PRR16: variants seen among roughly 807,000 people sequenced by gnomAD.
PRR16 encodes proline rich 16.
In PRR16, 6 loss-of-function variants were observed where a neutral mutation model predicts 18.2. The ratio of observed to expected loss-of-function variants is 0.33; its 90% CI spans 0.18 to 0.65. The LOEUF is 0.65. Among genes scored for constraint, PRR16 ranks in the 30% least tolerant of loss-of-function variants. PRR16 has a pLI of 0.74. For synonymous variants in PRR16, 151 were observed against 147.8 expected, an observed-to-expected ratio of 1.02 and a Z score of -0.16; for missense variants, 412 against 376.6, an observed-to-expected ratio of 1.09 and a Z score of -0.78.
At chr5:120,478,045 G>C (rs944760350) in intron 1 of PRR16, among the ~76,000 whole-genome samples, 6 of 151,812 alleles carry the variant, frequency 4.0e-5, no homozygotes, top group Non-Finnish European at 7.4e-5. Flanking sequence ...ATTATTTCCT[G>C]CCTCCAGCTT....
At chr5:120,651,934 C>G (rs111441196) in intron 1 of PRR16, among the ~76,000 whole-genome samples, 15,553 of 152,024 alleles carry the variant, frequency 0.1, 1,047 homozygotes, top group South Asian at 0.17. Context: ...TGGCCATTTT[C>G]ACGATATTGA....
intron 1 of PRR16, among the ~76,000 whole-genome samples, chr5:120,487,464 A>T (rs568460471): frequency 1.3e-5 from 2 of 152,164 alleles, no homozygotes; most frequent in Non-Finnish European, 2.9e-5. Context: ...TTATTGGTGT[A>T]TAAGAATGCT....
Position 120,686,133 on chromosome 5 carries a change from C to T in PRR16, c.339C>T (p.Ile113=), listed in dbSNP as rs1393062179. The T allele has an allele frequency of 1.2e-6, 2 of 1,614,018 alleles. No individual in the cohort carries two copies. Among genetic ancestry groups the T allele is most frequent in the Non-Finnish European group, 1.7e-6 (2 of 1,180,018 alleles). Reference sequence around the variant, plus strand: ...AACCCCCAGCACACCCGTCTGCTATCCTCACGGTCCTGAGAAAGCCAAACC... The same window carrying T: ...AACCCCCAGCACACCCGTCTGCTATTCTCACGGTCCTGAGAAAGCCAAACC... ...LIKPPAHPSA[I]LTVLRKPNPP... The change falls in exon 2 of 2, where the codon ATC becomes ATT. Residue 113 remains isoleucine (I), a synonymous_variant. Coordinates refer to ENST00000407149, the MANE Select transcript of PRR16 (RefSeq NM_001300783.2).
intron 1 of PRR16, among the ~76,000 whole-genome samples, chr5:120,646,044 T>C (rs1044252236): frequency 2.3e-3 from 27 of 11,820 alleles, no homozygotes; most frequent in Admixed American, 8.2e-3. Context: ...AAAAAATACA[T>C]ATTTTATATA....
the PRR16 span, among the ~76,000 whole-genome samples, chr5:120,782,693 G>A: frequency 1.3e-5 from 2 of 152,178 alleles, no homozygotes; most frequent in Admixed American, 1.3e-4. Context: ...TAGAGAGACT[G>A]GATGAGAAAG....
chr5:120,776,712 T>C, the PRR16 span, among the ~76,000 whole-genome samples: 1 of 152,116 alleles, frequency 6.6e-6, no homozygotes, highest in Non-Finnish European at 1.5e-5. Flanking sequence ...TCTCATAGAT[T>C]ATATTTGTAT....
chr5:120,767,030 C>T, the PRR16 span, among the ~76,000 whole-genome samples: 1 of 151,836 alleles, frequency 6.6e-6, no homozygotes, highest in Admixed American at 6.6e-5. Flanking sequence ...ACTAATAAAA[C>T]AAGAATGTTT....
chr5:120,480,269 G>T (rs1749568456), intron 1 of PRR16, among the ~76,000 whole-genome samples: 1 of 152,104 alleles, frequency 6.6e-6, no homozygotes, highest in African/African-American at 2.4e-5. Flanking sequence ...GCACCAAAAT[G>T]TTCAAGAGTT....
At chr5:120,620,409 G>A (rs1045622662) in intron 1 of PRR16, among the ~76,000 whole-genome samples, 3 of 151,654 alleles carry the variant, frequency 2.0e-5, no homozygotes, top group Non-Finnish European at 2.9e-5. Flanking sequence ...ATGAGGTGAG[G>A]TTGCTTGATT....
At chr5:120,611,329 A>T (rs555345063) in intron 1 of PRR16, among the ~76,000 whole-genome samples, 1 of 152,234 alleles carries the variant, frequency 6.6e-6, no homozygotes, top group South Asian at 2.1e-4. Flanking sequence ...AGAAATCTGC[A>T]TACGTAACAA....
chr5:120,548,500 A>G (rs543329827), intron 1 of PRR16, among the ~76,000 whole-genome samples: 17 of 152,218 alleles, frequency 1.1e-4, no homozygotes, highest in Admixed American at 8.5e-4. Context: ...CTTTAGTTGA[A>G]TCAGGGTTGT....
At chr5:120,746,897 G>C in the PRR16 span, among the ~76,000 whole-genome samples, 2 of 152,094 alleles carry the variant, frequency 1.3e-5, no homozygotes, top group Admixed American at 1.3e-4. Context: ...AAATTATTTT[G>C]ACTTAAACTA....
chr5:120,592,140 A>C (rs946275585), intron 1 of PRR16, among the ~76,000 whole-genome samples: 1 of 152,228 alleles, frequency 6.6e-6, no homozygotes, highest in East Asian at 1.9e-4. Context: ...TTTGCCATAC[A>C]TAATGATAAA....
chr5:120,567,611 G>A (rs10051708), intron 1 of PRR16, among the ~76,000 whole-genome samples: 28,541 of 151,968 alleles, frequency 0.19, 2,981 homozygotes, highest in Non-Finnish European at 0.21. Context: ...GATCATGGGG[G>A]CGGATTTCCC....
chr5:120,773,051 G>C, the PRR16 span, among the ~76,000 whole-genome samples: 1 of 152,048 alleles, frequency 6.6e-6, no homozygotes, highest in East Asian at 1.9e-4. Context: ...TATAGCATGT[G>C]TCTACTTCTG....
At chr5:120,581,437 T>C (rs1165353278) in intron 1 of PRR16, among the ~76,000 whole-genome samples, 1 of 152,214 alleles carries the variant, frequency 6.6e-6, no homozygotes, top group Non-Finnish European at 1.5e-5. Context: ...GCTAGCAGTC[T>C]ATCTATTTTG....
At chr5:120,662,855 A>C (rs899824491) in intron 1 of PRR16, among the ~76,000 whole-genome samples, 1 of 152,092 alleles carries the variant, frequency 6.6e-6, no homozygotes, top group Non-Finnish European at 1.5e-5. Context: ...GGGGGCAGGA[A>C]TAGGGGTGGA....
At chr5:120,525,423 T>C (rs758526166) in intron 1 of PRR16, among the ~76,000 whole-genome samples, 8 of 152,070 alleles carry the variant, frequency 5.3e-5, no homozygotes, top group Admixed American at 2.0e-4. Flanking sequence ...AAATTTATGC[T>C]ATCTTGCTGT....
intron 1 of PRR16, among the ~76,000 whole-genome samples, chr5:120,659,222 T>C (rs1443090630): frequency 6.6e-6 from 1 of 151,996 alleles, no homozygotes; most frequent in Admixed American, 6.6e-5. Flanking sequence ...AAGACCATCC[T>C]TTATTTTTAT....
Sources: gnomAD v4.1 joint callset for allele counts (sites outside exome capture counted in the v4.1 genomes callset) on GRCh38, gnomAD v4.1.1 for gene constraint, MANE v1.5 for transcripts, NCBI Gene and HGNC (gene_info 2026-07-23, HGNC 2026-07-21) for gene names.